The following KIF15 variants were observed in gnomAD, a reference collection of about 807,000 sequenced individuals.
KIF15 encodes kinesin family member 15.
In KIF15, 140 loss-of-function variants were observed where a neutral mutation model predicts 190.6. The observed-to-expected ratio is 0.73, with a 90% CI of 0.64 to 0.84. The LOEUF (loss-of-function observed/expected upper bound fraction) is 0.84, where lower values mean the gene tolerates loss of function less well. Ranked by LOEUF, KIF15 falls within the 40% of genes least tolerant of loss-of-function variation. KIF15 has a pLI of 0.00. For missense variants in KIF15, 1,372 were observed against 1,584.4 expected (o/e 0.87, Z 2.28); for synonymous variants, 528 against 551.3 (o/e 0.96, Z 0.59).
In KIF15 at chr3:44,786,419, TG is replaced by T; in HGVS notation, c.485del (p.Cys162LeufsTer26). 1 of 1,610,922 alleles carries T rather than the reference TG, an allele frequency of 6.2e-7. No individual in the cohort carries two copies. Among genetic ancestry groups the T allele is most frequent in the Non-Finnish European group, 8.5e-7 (1 of 1,177,830 alleles). On this transcript the variant is annotated frameshift_variant, in exon 7 of 35. Coordinates refer to ENST00000326047, the MANE Select transcript of KIF15 (RefSeq NM_020242.3). LOFTEE classifies it high-confidence loss of function. ...EKAGAGKSFL[C>X]KCSFIEIYNE... ...GGCTGGAGCTGGAAAGAGTTTCCTT[TG>T]TAAGTGTTCCTTTATTGAAATCTAC... is the stretch of plus-strand genomic sequence containing the variant.
chr3:44,765,163 T>C (rs1705325322), intron 1 of KIF15, among the ~76,000 whole-genome samples: 1 of 152,236 alleles, frequency 6.6e-6, no homozygotes, highest in Non-Finnish European at 1.5e-5. Context: ...TTTCACTTTC[T>C]CTCGCTATTT....
rs765317786 is a variant in KIF15, at chr3:44,775,386, T to G, written c.195T>G (p.Pro65=). The part of the protein sequence containing the change: ...SSTSLRLHSN[P]EPKTFTFDHV... ...CGAGTCTCCGGCTGCACTCCAACCC[T>G]GAGCCCAAGACCTTCACGTTTGATC... Residue 65 remains proline, a synonymous_variant, in exon 3 of 35, where the codon CCT becomes CCG. Transcript: ENST00000326047. 1 of 1,613,904 alleles carries G rather than the reference T, an allele frequency of 6.2e-7. No homozygotes were observed. Among genetic ancestry groups the G allele is most frequent in the Non-Finnish European group, 8.5e-7 (1 of 1,179,890 alleles).
At chr3:44,833,286 G>C (rs114585194) in intron 26 of KIF15, among the ~76,000 whole-genome samples, 2,823 of 152,016 alleles carry the variant, frequency 0.019, 76 homozygotes, top group African/African-American at 0.063. Context: ...AGGAGTGTGA[G>C]GGGGGCTGGT....
chr3:44,763,011 T>C (rs1428635657), intron 1 of KIF15, among the ~76,000 whole-genome samples: 1 of 147,474 alleles, frequency 6.8e-6, no homozygotes, highest in Admixed American at 6.9e-5. Context: ...AAACATCTGC[T>C]TATTTAATGA....
At chr3:44,839,933 G>A (rs966056536) in intron 27 of KIF15, among the ~76,000 whole-genome samples, 1 of 152,172 alleles carries the variant, frequency 6.6e-6, no homozygotes, top group Non-Finnish European at 1.5e-5. Flanking sequence ...CCCATCAATA[G>A]ACAGTTAAGT....
At position 44,764,168 on chromosome 3, in the gene KIF15, A is replaced by G. The variant is rs908119604; in HGVS notation, c.19+2284A>G. Among the ~76,000 whole-genome samples, 3 of 152,168 alleles carry G rather than the reference A, an allele frequency of 2.0e-5. No individual in the cohort carries two copies. In the South Asian group the frequency reaches 6.2e-4, roughly 32 times the overall value. On this transcript the variant is annotated intron_variant, in intron 1 of 34. Coordinates refer to ENST00000326047, the MANE Select transcript of KIF15 (RefSeq NM_020242.3). ...GCACAAATCTTAATATTATTCAACA[A>G]ATTTTTACATATAAATACACTAATG...
intron 7 of KIF15, among the ~76,000 whole-genome samples, chr3:44,791,934 G>A (rs550461563): frequency 5.3e-5 from 8 of 152,070 alleles, no homozygotes; most frequent in African/African-American, 1.9e-4. Flanking sequence ...GGTCAGGCTG[G>A]TCTTGAACTC....
chr3:44,820,770 A>G (rs942699131), intron 20 of KIF15, among the ~76,000 whole-genome samples: 1 of 152,144 alleles, frequency 6.6e-6, no homozygotes, highest in Non-Finnish European at 1.5e-5. Context: ...AAACACGGCA[A>G]CCATCCGATT....
At chr3:44,868,388 TTTCTA>T (rs746053109) in intron 6 of KIF15, among the ~76,000 whole-genome samples, 4 of 152,226 alleles carry the variant, frequency 2.6e-5, no homozygotes, top group African/African-American at 4.8e-5. Flanking sequence ...TTGTTTCCCT[TTTCTA>T]TTCTATTCTA....
intron 30 of KIF15, among the ~76,000 whole-genome samples, chr3:44,847,018 C>T (rs996369199): frequency 8.5e-5 from 13 of 152,204 alleles, no homozygotes; most frequent in African/African-American, 2.2e-4. Context: ...TGGCAGAGAC[C>T]GCATGGCTCC....
At chr3:44,836,374 A>G (rs1191421059) in intron 26 of KIF15, among the ~76,000 whole-genome samples, 1 of 151,992 alleles carries the variant, frequency 6.6e-6, no homozygotes, top group Non-Finnish European at 1.5e-5. Flanking sequence ...ATAAATAAAT[A>G]ATTTTTTTTT....
intron 20 of KIF15, among the ~76,000 whole-genome samples, chr3:44,818,533 G>C (rs896998659): frequency 6.6e-6 from 1 of 152,178 alleles, no homozygotes; most frequent in Non-Finnish European, 1.5e-5. Context: ...CTGTTTATGT[G>C]ATGGATTGCA....
intron 7 of KIF15, among the ~76,000 whole-genome samples, 195 bp from the exon 8 acceptor site, chr3:44,794,022 A>G (rs1202973082): frequency 1.3e-5 from 2 of 151,992 alleles, no homozygotes; most frequent in Non-Finnish European, 2.9e-5. Context: ...CTAGGACTAC[A>G]GGTTCCTGCC....
chr3:44,800,758 A>G (rs74569363), intron 11 of KIF15, among the ~76,000 whole-genome samples: 7 of 152,318 alleles, frequency 4.6e-5, no homozygotes, highest in Non-Finnish European at 1.0e-4. Flanking sequence ...ATTTTTCTTC[A>G]AAGAATAGCT....
At chr3:44,862,340 A>G (rs1315588186) in intron 6 of KIF15, 1 of 164,050 alleles carries the variant, frequency 6.1e-6, no homozygotes, top group Non-Finnish European at 1.3e-5. Context: ...AATCACGCCA[A>G]ACCCTCGTCC....
At chr3:44,843,885 AG>A (rs1698726927) in intron 30 of KIF15, among the ~76,000 whole-genome samples, 1 of 152,230 alleles carries the variant, frequency 6.6e-6, no homozygotes, top group Non-Finnish European at 1.5e-5. Context: ...TTTTCTCACA[AG>A]GAGTTTTAAA....
chr3:44,805,253 C>A, intron 15 of KIF15, 85 bp downstream of exon 15: 2 of 1,310,976 alleles, frequency 1.5e-6, no homozygotes, highest in African/African-American at 1.5e-5. Flanking sequence ...TTCAATTGGG[C>A]ATTTTACTTT....
chr3:44,807,956 G>A (rs1455268244), intron 16 of KIF15, among the ~76,000 whole-genome samples: 1 of 151,610 alleles, frequency 6.6e-6, no homozygotes, highest in African/African-American at 2.4e-5. Flanking sequence ...GTTTTTTAGA[G>A]ACAGAGTCTT....
chr3:44,826,694 ACT>A (rs1400124469), intron 22 of KIF15, among the ~76,000 whole-genome samples: 6 of 152,356 alleles, frequency 3.9e-5, no homozygotes, highest in Non-Finnish European at 7.3e-5. Context: ...GGTAATCAGA[ACT>A]CAGGGCCTTC....
Sources: allele counts gnomAD v4.1 joint callset (sites outside exome capture counted in the v4.1 genomes callset), GRCh38; gene constraint gnomAD v4.1.1; transcripts MANE v1.5; gene names NCBI Gene and HGNC (gene_info 2026-07-23, HGNC 2026-07-21).